Variants in PTPRG observed in about 807,000 individuals in gnomAD.
PTPRG encodes receptor-type tyrosine-protein phosphatase gamma.
A neutral mutation model predicts 165.3 loss-of-function variants in PTPRG; 102 were observed. The ratio of observed to expected loss-of-function variants is 0.62; its 90% confidence interval spans 0.53 to 0.73. The LOEUF (loss-of-function observed/expected upper bound fraction) is 0.73, where lower values mean the gene tolerates loss of function less well. Ranked by LOEUF, PTPRG falls within the 30% of genes least tolerant of loss-of-function variation. The probability of loss-of-function intolerance (pLI) is 0.00; values close to 1 mark genes in which losing one functional copy is unlikely to be tolerated. For synonymous variants in PTPRG, 675 were observed against 669.5 expected (o/e 1.01, Z -0.13); for missense variants, 1,866 against 1,861.4 (o/e 1.00, Z -0.05).
intron 1 of PTPRG, among the ~76,000 whole-genome samples, chr3:61,627,303 T>G (rs1485558426): frequency 1.3e-5 from 2 of 151,982 alleles, no homozygotes; most frequent in East Asian, 1.9e-4. Flanking sequence ...TCGGTTGGAG[T>G]AAGGTGTGAT....
chr3:61,733,272 ATTCAT>A (rs2032587309), intron 1 of PTPRG, among the ~76,000 whole-genome samples: 1 of 152,088 alleles, frequency 6.6e-6, no homozygotes, highest in Admixed American at 6.5e-5. Context: ...AATCTTCATG[ATTCAT>A]TTCTATGTTG....
At chr3:62,265,413 T>C (rs1701831939) in intron 17 of PTPRG, among the ~76,000 whole-genome samples, 1 of 152,214 alleles carries the variant, frequency 6.6e-6, no homozygotes. Context: ...CTTAGTTTTA[T>C]TTTTGGATTG....
intron 5 of PTPRG, among the ~76,000 whole-genome samples, chr3:62,103,144 T>G (rs541581145): frequency 6.9e-6 from 1 of 145,368 alleles, no homozygotes; most frequent in African/African-American, 2.6e-5. Flanking sequence ...CCTCATCAAG[T>G]TTTTTTTTTA....
chr3:62,037,931 C>G (rs1342698154), intron 4 of PTPRG, among the ~76,000 whole-genome samples: 1 of 152,164 alleles, frequency 6.6e-6, no homozygotes, highest in Non-Finnish European at 1.5e-5. Context: ...CTTCAAATAT[C>G]ATCACACTGA....
At chr3:61,910,088 A>G (rs4290803) in intron 2 of PTPRG, among the ~76,000 whole-genome samples, 2 of 152,126 alleles carry the variant, frequency 1.3e-5, no homozygotes, top group East Asian at 1.9e-4. Context: ...TTTGTGTGAT[A>G]TATCTCATTA....
chr3:61,576,841 T>C (rs1293233174), intron 1 of PTPRG, among the ~76,000 whole-genome samples: 1 of 152,244 alleles, frequency 6.6e-6, no homozygotes, highest in Non-Finnish European at 1.5e-5. Flanking sequence ...GGTTACATCA[T>C]ATTTTAATTG....
At chr3:61,996,698 A>G (rs1326097870) in intron 3 of PTPRG, among the ~76,000 whole-genome samples, 1 of 152,232 alleles carries the variant, frequency 6.6e-6, no homozygotes, top group Non-Finnish European at 1.5e-5. Flanking sequence ...GGGGAATGCT[A>G]AGTGTGCTTT....
At position 62,173,788 on chromosome 3, in the gene PTPRG, T is replaced by TG. The variant is rs1705312533; in HGVS notation, c.1033+5630dup. 2.0e-5 allele frequency among the ~76,000 whole-genome samples: 3 copies of TG among 152,272 alleles called. 1 individual carries two copies. Among genetic ancestry groups the TG allele is most frequent in the Admixed American group, 2.0e-4 (3 of 15,298 alleles). On this transcript the variant is annotated intron_variant, in intron 8 of 29. Transcript: ENST00000474889. ...ATCGTGAACTTGAGGCAGCCAGTGG[T>TG]GGGGGCCTGTGTTCATGCACCCATA... is the stretch of plus-strand genomic sequence containing the variant.
chr3:61,666,457 A>G (rs1431725046), intron 1 of PTPRG, among the ~76,000 whole-genome samples: 1 of 152,218 alleles, frequency 6.6e-6, no homozygotes, highest in Non-Finnish European at 1.5e-5. Flanking sequence ...CTCTGCTGTT[A>G]CTATGAGGCT....
Position 61,748,928 on chromosome 3 carries a change from G to A in PTPRG, c.136G>A (p.Ala46Thr), listed in dbSNP as rs1179424376. 8 of 1,613,012 alleles carry A rather than the reference G, an allele frequency of 5.0e-6. No homozygotes were observed. The highest frequency in any genetic ancestry group is 3.3e-4 in the Middle Eastern group (2 of 6,022). The change falls in exon 2 of 30, where the codon GCA becomes ACA. Residue 46 changes from alanine to threonine, a missense_variant. Coordinates refer to ENST00000474889, the MANE Select transcript of PTPRG (RefSeq NM_002841.4). ...GALHENRHGSAVQIRRRKASG... is the reference protein window; with the variant it reads ...GALHENRHGSTVQIRRRKASG... ...CCTGCACGAGAATAGACACGGCAGC[G>A]CAGTGCAGATCCGCAGGCGCAAGGC... is the stretch of plus-strand genomic sequence containing the variant.
chr3:61,844,071 C>T (rs1312711421), intron 2 of PTPRG, among the ~76,000 whole-genome samples: 1 of 150,782 alleles, frequency 6.6e-6, no homozygotes, highest in Non-Finnish European at 1.5e-5. Context: ...TCAAGCGATT[C>T]TCCTGCCTCA....
At chr3:62,058,651 C>T (rs894697025) in intron 4 of PTPRG, among the ~76,000 whole-genome samples, 4 of 152,036 alleles carry the variant, frequency 2.6e-5, no homozygotes, top group Non-Finnish European at 5.9e-5. Context: ...GGGTCTGTCC[C>T]GGGAAGCAGT....
intron 2 of PTPRG, among the ~76,000 whole-genome samples, chr3:61,920,275 C>G (rs1415430224): frequency 1.3e-5 from 2 of 152,192 alleles, no homozygotes; most frequent in African/African-American, 4.8e-5. Flanking sequence ...GAGACCATGT[C>G]TAGAAATGCT....
chr3:62,049,919 G>T (rs981103693), intron 4 of PTPRG, among the ~76,000 whole-genome samples: 1 of 152,168 alleles, frequency 6.6e-6, no homozygotes, highest in African/African-American at 2.4e-5. Flanking sequence ...TCAGAAAATG[G>T]TGTTAAATTG....
Position 62,233,924 on chromosome 3 carries a change from T to C in PTPRG, c.2375+2613T>C, listed in dbSNP as rs1700963827. Among the ~76,000 whole-genome samples, 1 of 152,192 alleles carries C rather than the reference T, an allele frequency of 6.6e-6. No homozygotes were observed. The highest frequency in any genetic ancestry group is 2.1e-4 in the South Asian group (1 of 4,828). ...GATTCAAAATAAAAAAGTTTAAAAT[T>C]ATATGCACCACTAAATTACCATCCC... On this transcript the variant is annotated intron_variant, in intron 14 of 29. Coordinates refer to ENST00000474889, the MANE Select transcript of PTPRG (RefSeq NM_002841.4). This position sits in a 1 kb window ranked among gnomAD's most constrained non-coding sequence, Gnocchi z 4.7.
At chr3:61,740,756 T>C (rs1216020319) in intron 1 of PTPRG, among the ~76,000 whole-genome samples, 1 of 152,208 alleles carries the variant, frequency 6.6e-6, no homozygotes, top group Non-Finnish European at 1.5e-5. Flanking sequence ...TTAAAAAACA[T>C]CATGGCTCTA....
chr3:61,846,296 G>A (rs1422587195), intron 2 of PTPRG, among the ~76,000 whole-genome samples: 3 of 152,192 alleles, frequency 2.0e-5, no homozygotes, highest in African/African-American at 7.2e-5. Flanking sequence ...TAATATCCGA[G>A]TGATGAATTG....
intron 1 of PTPRG, among the ~76,000 whole-genome samples, chr3:61,610,966 C>G (rs926906640): frequency 6.6e-6 from 1 of 152,118 alleles, no homozygotes; most frequent in African/African-American, 2.4e-5. Context: ...GCCACCATAC[C>G]CAGCTCATTT....
intron 2 of PTPRG, among the ~76,000 whole-genome samples, chr3:61,937,368 G>T (rs1442742714): frequency 6.6e-6 from 1 of 152,154 alleles, no homozygotes; most frequent in East Asian, 1.9e-4. Context: ...GGTAGCTTGT[G>T]CAAGGTTCCT....
Sources: gnomAD v4.1 joint callset for allele counts (sites outside exome capture counted in the v4.1 genomes callset) on GRCh38, gnomAD v4.1.1 for gene constraint, Gnocchi (gnomAD v3.1) non-coding constraint, MANE v1.5 for transcripts, NCBI Gene and HGNC (gene_info 2026-07-23, HGNC 2026-07-21) for gene names.